The following HM13 variants were observed in gnomAD, a reference collection of about 807,000 sequenced individuals.
HM13 encodes the protein histocompatibility minor 13, also known as signal peptide peptidase.
In HM13, 18 loss-of-function variants were observed where a neutral mutation model predicts 50.0. The observed-to-expected ratio is 0.36, with a 90% CI of 0.25 to 0.53. HM13 has a LOEUF of 0.53. HM13 is among the 20% of genes least tolerant of loss of function. The probability of loss-of-function intolerance (pLI) is 0.90; values close to 1 mark genes in which losing one functional copy is unlikely to be tolerated. For missense variants in HM13, 393 were observed against 552.4 expected, an observed-to-expected ratio of 0.71 and a Z score of 2.89; for synonymous variants, 197 against 232.6, an observed-to-expected ratio of 0.85 and a Z score of 1.39.
chr20:31,530,012 C>G (rs1330662072), intron 2 of HM13, among the ~76,000 whole-genome samples: 2 of 151,568 alleles, frequency 1.3e-5, no homozygotes, highest in Non-Finnish European at 2.9e-5. Context: ...TACATGTAGG[C>G]CTGGTGCAGT....
At chr20:31,525,016 G>C (rs1442801303) in intron 1 of HM13, among the ~76,000 whole-genome samples, 1 of 152,002 alleles carries the variant, frequency 6.6e-6, no homozygotes, top group Non-Finnish European at 1.5e-5. Flanking sequence ...CCCGGCCTCT[G>C]TGGCTCCTCT....
chr20:31,564,593 C>T (rs1250954137), intron 10 of HM13, among the ~76,000 whole-genome samples: 1 of 151,590 alleles, frequency 6.6e-6, no homozygotes, highest in Non-Finnish European at 1.5e-5. Context: ...AAAAAAATTG[C>T]TGAGGAATGC....
At chr20:31,523,866 A>G (rs1036303778) in intron 1 of HM13, among the ~76,000 whole-genome samples, 2 of 152,076 alleles carry the variant, frequency 1.3e-5, no homozygotes, top group Non-Finnish European at 2.9e-5. Context: ...CCTCCTAGCA[A>G]AGCTGTCCAA....
At chr20:31,547,422 C>T (rs761334926) in intron 4 of HM13, 39 of 477,650 alleles carry the variant, frequency 8.2e-5, no homozygotes, top group Non-Finnish European at 1.4e-4. Context: ...GTGGCGCCCG[C>T]GCCGGCCTTC....
chr20:31,532,638 ATGTAG>A (rs1194917501), intron 2 of HM13, among the ~76,000 whole-genome samples: 1 of 151,976 alleles, frequency 6.6e-6, no homozygotes, highest in African/African-American at 2.4e-5. Context: ...CTTATAAAAT[ATGTAG>A]TGTTGGTATA....
chr20:31,523,033 G>C (rs1335520796), intron 1 of HM13, among the ~76,000 whole-genome samples: 2 of 131,568 alleles, frequency 1.5e-5, no homozygotes, highest in East Asian at 3.9e-4. Context: ...AGCCTGTTTG[G>C]GGTTTTTTTT....
At position 31,568,072 on chromosome 20, in the gene HM13, A is replaced by T. The variant is rs1423094603; in HGVS notation, c.1035-6A>T. ...TTTTTCTGTCTCTTCTCTCTCTCTC[A>T]CACAGCTACGAGTCCTCGGCGGAAA... On this transcript the variant is annotated splice_polypyrimidine_tract_variant and splice_region_variant and intron_variant, in intron 11 of 12. Transcript: ENST00000398174. 5 of 1,601,602 alleles carry T rather than the reference A, an allele frequency of 3.1e-6. No homozygotes were observed. The highest frequency in any genetic ancestry group is 4.3e-6 in the Non-Finnish European group (5 of 1,173,790).
intron 2 of HM13, among the ~76,000 whole-genome samples, chr20:31,531,560 C>CTATAATAGTCATTAT (rs1982821094): frequency 1.3e-5 from 2 of 152,094 alleles, no homozygotes; most frequent in African/African-American, 4.8e-5. Context: ...TTACATCCAG[C>CTATAATAGTCATTAT]TATAAATCCT....
At chr20:31,526,740 T>C (rs1982514491) in intron 1 of HM13, among the ~76,000 whole-genome samples, 1 of 152,256 alleles carries the variant, frequency 6.6e-6, no homozygotes. Flanking sequence ...TCCTCACAGT[T>C]GGTGTCTCCC....
At chr20:31,522,051 T>TA (rs1982197178) in intron 1 of HM13, among the ~76,000 whole-genome samples, 1 of 151,950 alleles carries the variant, frequency 6.6e-6, no homozygotes. Context: ...GTCCTCTGTG[T>TA]AATGGAGAGG....
At chr20:31,551,637 G>T (rs1434322266) in intron 7 of HM13, among the ~76,000 whole-genome samples, 2 of 152,222 alleles carry the variant, frequency 1.3e-5, no homozygotes, top group Non-Finnish European at 2.9e-5. Flanking sequence ...AATCCGTCAG[G>T]CATGCTAGCA....
Position 31,556,321 on chromosome 20 carries a change from G to A in HM13, c.808+1492G>A, listed in dbSNP as rs146002620. On this transcript the variant is annotated intron_variant, in intron 8 of 12. Coordinates refer to ENST00000398174, the MANE Select transcript of HM13 (RefSeq NM_178581.3). ...CACAAAGTGCTGAGATTACAGGCAT[G>A]AGCCACCACGCCTGGCCGACCCCGT... 4.8e-3 allele frequency among the ~76,000 whole-genome samples: 738 copies of A among 152,194 alleles called. 7 individuals carry two copies. The highest frequency in any genetic ancestry group is 0.017 in the African/African-American group (700 of 41,518).
intron 3 of HM13, chr20:31,539,297 G>T: frequency 2.0e-6 from 2 of 985,448 alleles, no homozygotes; most frequent in Non-Finnish European, 2.4e-6. Flanking sequence ...GTTTCTTTCT[G>T]CCCCGTTGAA....
In HM13 at chr20:31,529,920, T is replaced by C. The variant is rs1600627302; in HGVS notation, c.282+2338T>C. Among the ~76,000 whole-genome samples the C allele has an allele frequency of 2.6e-5, 4 of 152,016 alleles. No individual in the cohort carries two copies. The East Asian group carries it at 5.8e-4, about 22-fold the overall frequency. ...AGGCAGAGGTTGCAGTGAGCTGAGA[T>C]GGTGCCACTGCACTTCAGCCTGGCG... On this transcript the variant is annotated intron_variant, in intron 2 of 12. Transcript: ENST00000398174.
At chr20:31,538,845 C>T in intron 3 of HM13, 1 of 212,884 alleles carries the variant, frequency 4.7e-6, no homozygotes, top group Non-Finnish European at 8.1e-6. Context: ...GCTTTTAGCA[C>T]AGTATCTGGT....
At chr20:31,528,318 TTTTA>T (rs1226452635) in intron 2 of HM13, among the ~76,000 whole-genome samples, 1 of 152,058 alleles carries the variant, frequency 6.6e-6, no homozygotes, top group Non-Finnish European at 1.5e-5. Flanking sequence ...ATTTCGGGCT[TTTTA>T]TTTATTTATT....
chr20:31,547,251 C>T (rs1193599697), intron 4 of HM13: 1 of 200,886 alleles, frequency 5.0e-6, no homozygotes, highest in Non-Finnish European at 1.0e-5. Flanking sequence ...TTCAGCGATC[C>T]TCATTGGAGA....
chr20:31,531,947 T>C (rs1467231882), intron 2 of HM13, among the ~76,000 whole-genome samples: 1 of 151,936 alleles, frequency 6.6e-6, no homozygotes, highest in Admixed American at 6.6e-5. Context: ...GACACGAATG[T>C]TACCCTGACA....
intron 8 of HM13, among the ~76,000 whole-genome samples, chr20:31,558,803 A>C (rs1186346932): frequency 2.6e-5 from 4 of 152,202 alleles, no homozygotes; most frequent in Non-Finnish European, 5.9e-5. Flanking sequence ...GGCTCACTGC[A>C]ACCTCTGCCT....
Sources: allele counts gnomAD v4.1 joint callset (sites outside exome capture counted in the v4.1 genomes callset), GRCh38; gene constraint gnomAD v4.1.1; transcripts MANE v1.5; gene names NCBI Gene and HGNC (gene_info 2026-07-23, HGNC 2026-07-21).